Variants in PTPN18 observed in about 807,000 individuals in gnomAD.
The protein encoded by PTPN18 is tyrosine-protein phosphatase non-receptor type 18.
A neutral mutation model predicts 65.4 loss-of-function variants in PTPN18; 65 were observed. That is an observed-to-expected ratio of 0.99 (90% confidence interval 0.81 to 1.22). The LOEUF is 1.22. PTPN18 is among the 50% of genes most tolerant of loss of function. The pLI is 0.00. For missense variants in PTPN18, 616 were observed against 646.5 expected, an observed-to-expected ratio of 0.95 and a Z score of 0.51; for synonymous variants, 255 against 267.8, an observed-to-expected ratio of 0.95 and a Z score of 0.47.
chr2:130,363,964 A>G (rs1185666042), intron 5 of PTPN18, among the ~76,000 whole-genome samples: 1 of 147,664 alleles, frequency 6.8e-6, no homozygotes, highest in Non-Finnish European at 1.5e-5. Context: ...TTTTTTAATT[A>G]TAGCCATCCT....
chr2:130,372,135 C>T (rs1415632518), intron 12 of PTPN18, 122 bp from the exon 13 acceptor site: 1 of 946,350 alleles, frequency 1.1e-6, no homozygotes, highest in Non-Finnish European at 1.5e-6. Flanking sequence ...GGAGCCCTCC[C>T]TCCCATCTAG....
intron 5 of PTPN18, among the ~76,000 whole-genome samples, chr2:130,366,997 G>T (rs1680406022): frequency 6.9e-6 from 1 of 144,066 alleles, no homozygotes; most frequent in Non-Finnish European, 1.5e-5. Flanking sequence ...AACTAAAAAA[G>T]ATTTTTTTTA....
At position 130,370,780 on chromosome 2, in the gene PTPN18, G is replaced by C. The variant is rs1427393919; in HGVS notation, c.832G>C (p.Glu278Gln). 2.5e-6 allele frequency: 4 copies of C among 1,614,032 alleles called. No individual in the cohort carries two copies. Among genetic ancestry groups the C allele is most frequent in the Non-Finnish European group, 3.4e-6 (4 of 1,179,878 alleles). ...GCAGCGGCCTGCGGCCGTGCAGACA[G>C]AGGTGAACCCTGGGTCTCCTAATCT... Reference protein sequence around the residue: ...RKQRPAAVQTEEQYRFLYHTV... With the variant: ...RKQRPAAVQTQEQYRFLYHTV... Residue 278 changes from glutamate (E) to glutamine (Q), a missense_variant and splice_region_variant, in exon 10 of 15, where the codon GAG becomes CAG. This residue lies in a region of PTPN18 where 368 missense variants were observed against 386.7 expected (regional missense o/e 0.95). Transcript: ENST00000175756.
Position 130,362,909 on chromosome 2 carries a change from T to C in PTPN18, c.414+3263T>C, listed in dbSNP as rs1228710051. ...ATCTCAGCTCGCTGCAACCTCCGCC[T>C]CCCGGGTCCACGCCATTCTCCTGCC... On this transcript the variant is annotated intron_variant, in intron 5 of 14. Coordinates refer to ENST00000175756, the MANE Select transcript of PTPN18 (RefSeq NM_014369.4). Among the ~76,000 whole-genome samples, 3 of 152,116 alleles carry C rather than the reference T, an allele frequency of 2.0e-5. No individual in the cohort carries two copies. In the East Asian group the frequency reaches 5.9e-4, roughly 30 times the overall value.
Position 130,361,567 on chromosome 2 carries a change from C to CTTTCTTTCT in PTPN18, c.414+1929_414+1930insTTTTCTTTC, listed in dbSNP as rs1680216040. Among the ~76,000 whole-genome samples the CTTTCTTTCT allele has an allele frequency of 5.7e-5, 5 of 87,010 alleles. No homozygotes were observed. The East Asian group carries it at 1.5e-3, about 25-fold the overall frequency. 57.1% of individuals were successfully genotyped at this position (87,010 alleles called of 152,430 possible). ...CTTTCTTTCTTTCTTTCTTTCTTTC[C>CTTTCTTTCT]TTTCTTTCCTTTCTTTCCTTTCTTT... On this transcript the variant is annotated intron_variant, in intron 5 of 14. Coordinates refer to ENST00000175756, the MANE Select transcript of PTPN18 (RefSeq NM_014369.4).
Position 130,370,888 on chromosome 2 carries a change from T to G in PTPN18, c.848T>G (p.Phe283Cys), listed in dbSNP as rs778439125. 27 of 1,614,082 alleles carry G rather than the reference T, an allele frequency of 1.7e-5. No homozygotes were observed. Among genetic ancestry groups the G allele is most frequent in the Non-Finnish European group, 2.3e-5 (27 of 1,179,962 alleles). ...TCACCCCAACAGGAGCAGTACAGGTTCCTGTACCACACGGTGGCTCAGATG... is the reference window on the plus strand; with the variant it reads ...TCACCCCAACAGGAGCAGTACAGGTGCCTGTACCACACGGTGGCTCAGATG... ...AAVQTEEQYR[F>C]LYHTVAQMFC... is the part of the protein sequence containing the mutation. Residue 283 changes from phenylalanine to cysteine, a missense_variant, in exon 11 of 15, where the codon TTC (phenylalanine) becomes TGC (cysteine). By Grantham distance (205) the Phe-to-Cys change is radical. Around this residue, in one of 3 missense-constraint regions of PTPN18, gnomAD observed 368 missense variants for 386.7 expected, o/e 0.95. Coordinates refer to ENST00000175756, the MANE Select transcript of PTPN18 (RefSeq NM_014369.4).
Position 130,373,050 on chromosome 2 carries a change from C to A in PTPN18, c.1315+103C>A. The A allele has an allele frequency of 6.4e-7, 1 of 1,551,736 alleles. No homozygotes were observed. The highest frequency in any genetic ancestry group is 8.8e-7 in the Non-Finnish European group (1 of 1,130,194). On this transcript the variant is annotated intron_variant, in intron 14 of 14. Transcript: ENST00000175756. This position sits in a 1 kb window ranked among gnomAD's most constrained non-coding sequence, Gnocchi z 4.1. Reference sequence around the variant, plus strand: ...GAGCTTAGTCCTGTGGATGTGGCTGCAGTGAACCAGGAGGACCTGGAGGCG... The same window carrying A: ...GAGCTTAGTCCTGTGGATGTGGCTGAAGTGAACCAGGAGGACCTGGAGGCG...
At chr2:130,356,527 CGGGCG>C in intron 1 of PTPN18, 1 of 500,062 alleles carries the variant, frequency 2.0e-6, no homozygotes, top group Non-Finnish European at 4.0e-6. Context: ...CAGGGGAGGG[CGGGCG>C]GCCCTGCTGC....
chr2:130,372,380 G>T lies in PTPN18; in HGVS notation c.1137G>T (p.Gly379=). The change falls in exon 13 of 15, where the codon GGG becomes GGT. Residue 379 remains glycine, a synonymous_variant. Transcript: ENST00000175756. ...GTQTGTGTGT[G]ARSAEEAPLY... ...AGACGGGGACGGGGACGGGGACGGG[G>T]GCGCGCAGCGCGGAGGAGGCGCCGC... is the stretch of plus-strand genomic sequence containing the variant. 1 of 1,364,000 alleles carries T rather than the reference G, an allele frequency of 7.3e-7. No homozygotes were observed. The highest frequency in any genetic ancestry group is 9.4e-7 in the Non-Finnish European group (1 of 1,064,110). 84.5% of individuals were successfully genotyped at this position (1,364,000 alleles called of 1,614,324 possible).
In PTPN18 at chr2:130,373,368, C is replaced by G. The variant is rs961964584; in HGVS notation, c.*144C>G. ...AGGGTGGGAAATGTGGGGGCTTTGC[C>G]CCAATGACTGTAGCATTCAAGGCTT... On this transcript the variant is annotated 3_prime_UTR_variant, in exon 15 of 15. Coordinates refer to ENST00000175756, the MANE Select transcript of PTPN18 (RefSeq NM_014369.4). The surrounding 1 kb of genome is among the most constrained non-coding windows in gnomAD (Gnocchi z 4.1). 1 of 863,102 alleles carries G rather than the reference C, an allele frequency of 1.2e-6. No homozygotes were observed. The highest frequency in any genetic ancestry group is 1.7e-6 in the Non-Finnish European group (1 of 583,278). 53.5% of individuals were successfully genotyped at this position (863,102 alleles called of 1,614,324 possible). A position where few individuals can be genotyped will look rare whatever the true frequency, so the allele number is the denominator to read the frequency against.
intron 5 of PTPN18, among the ~76,000 whole-genome samples, chr2:130,364,233 C>T (rs902209945): frequency 3.3e-5 from 5 of 152,198 alleles, no homozygotes; most frequent in African/African-American, 1.2e-4. Context: ...CCCATTCCCC[C>T]ATTTCCAGGT....
Position 130,372,453 on chromosome 2 carries a change from G to T in PTPN18, c.1210G>T (p.Glu404Ter). 3 of 1,370,994 alleles carry T rather than the reference G, an allele frequency of 2.2e-6. No homozygotes were observed. Among genetic ancestry groups the T allele is most frequent in the Non-Finnish European group, 2.8e-6 (3 of 1,069,784 alleles). The allele number at this position is 1,370,994 out of a possible 1,614,324, so 84.9% of individuals were successfully genotyped here. ...CGCCCAGCGACCCGGGGCGCACGCGGAGGACGCGAGGGGGACGCTGCCTGG... is the reference window on the plus strand; with the variant it reads ...CGCCCAGCGACCCGGGGCGCACGCGTAGGACGCGAGGGGGACGCTGCCTGG... ...PRAQRPGAHA[E>*]DARGTLPGRV... The change falls in exon 13 of 15, where the codon GAG becomes TAG. Residue 404 changes from glutamate (E) to a stop codon, truncating the protein, a stop_gained. Coordinates refer to ENST00000175756, the MANE Select transcript of PTPN18 (RefSeq NM_014369.4). LOFTEE classifies it high-confidence loss of function.
chr2:130,361,881 C>A (rs1680227857), intron 5 of PTPN18, among the ~76,000 whole-genome samples: 1 of 151,728 alleles, frequency 6.6e-6, no homozygotes, highest in Non-Finnish European at 1.5e-5. Flanking sequence ...AGCCACCGCC[C>A]TCGGCCTTAA....
intron 1 of PTPN18, among the ~76,000 whole-genome samples, chr2:130,358,081 C>A (rs1396778983): frequency 1.3e-5 from 2 of 152,290 alleles, no homozygotes; most frequent in East Asian, 1.9e-4. Context: ...GCCTCACATG[C>A]GGAAGGCTGG....
At chr2:130,372,164 A>G in intron 12 of PTPN18, 93 bp from the exon 13 acceptor site, 1 of 1,239,308 alleles carries the variant, frequency 8.1e-7, no homozygotes, top group Non-Finnish European at 1.1e-6. Context: ...CTCGGCGGGA[A>G]GGAAGCCCGT....
At position 130,359,245 on chromosome 2, in the gene PTPN18, G is replaced by A. The variant is rs199586116; in HGVS notation, c.215G>A (p.Arg72Gln). 4 of 1,614,006 alleles carry A rather than the reference G, an allele frequency of 2.5e-6. No individual in the cohort carries two copies. Among genetic ancestry groups the A allele is most frequent in the South Asian group, 1.1e-5 (1 of 91,080 alleles). ...YKDVLPYDQT[R>Q]VILSLLQEEG... is the part of the protein sequence containing the mutation. ...TATCTGCTGACAGATGATCAGACGC[G>A]AGTAATCCTCTCCCTGCTCCAGGAA... Residue 72 changes from arginine (R) to glutamine (Q), a missense_variant, in exon 3 of 15, where the codon CGA becomes CAA. Physicochemically the swap from Arg to Gln is conservative, Grantham distance 43. This residue lies in a region of PTPN18 where 223 missense variants were observed against 210.0 expected (regional missense o/e 1.06). Coordinates refer to ENST00000175756, the MANE Select transcript of PTPN18 (RefSeq NM_014369.4).
rs752794726 is a variant in PTPN18 at position 130,370,161 on chromosome 2, TG to T, written c.662del (p.Gly221AlafsTer25). The T allele has an allele frequency of 3.1e-6, 5 of 1,613,298 alleles. No individual in the cohort carries two copies. The highest frequency in any genetic ancestry group is 1.6e-4 in the Middle Eastern group (1 of 6,062). On this transcript the variant is annotated frameshift_variant, in exon 8 of 15. Coordinates refer to ENST00000175756, the MANE Select transcript of PTPN18 (RefSeq NM_014369.4). LOFTEE classifies it high-confidence loss of function. ...VEEARRLQGS[G>X]PEPLCVHCSA... ...AGGAAGCCCGTCGCCTCCAGGGATCTGGCCCTGAACCCCTCTGTGTCCACTG... is the reference window on the plus strand; with the variant it reads ...AGGAAGCCCGTCGCCTCCAGGGATCTGCCCTGAACCCCTCTGTGTCCACTG...
chr2:130,356,793 A>G, intron 1 of PTPN18: 2 of 382,834 alleles, frequency 5.2e-6, no homozygotes, highest in Non-Finnish European at 1.1e-5. Context: ...TGAAATGGGG[A>G]CATGAATGAC....
chr2:130,365,636 A>G lies in PTPN18; in HGVS notation c.415-3497A>G, dbSNP rs538675983. Among the ~76,000 whole-genome samples, 29 of 152,268 alleles carry G rather than the reference A, an allele frequency of 1.9e-4. No homozygotes were observed. In the Middle Eastern group the frequency reaches 0.01, roughly 54 times the overall value. On this transcript the variant is annotated intron_variant, in intron 5 of 14. Coordinates refer to ENST00000175756, the MANE Select transcript of PTPN18 (RefSeq NM_014369.4). ...GTGCTTTTGGTGTATCTGAGAAGTC[A>G]TTGTCTAATCAGAGGTCATAAAGAC... is the stretch of plus-strand genomic sequence containing the variant.
Sources: allele counts gnomAD v4.1 joint callset (sites outside exome capture counted in the v4.1 genomes callset), GRCh38; gene constraint gnomAD v4.1.1; regional missense constraint gnomAD v4.1.1; non-coding constraint Gnocchi (gnomAD v3.1); transcripts MANE v1.5; gene names NCBI Gene and HGNC (gene_info 2026-07-23, HGNC 2026-07-21).